The following ARHGEF28 variants were observed in gnomAD, a reference collection of about 807,000 sequenced individuals.
ARHGEF28 encodes Rho guanine nucleotide exchange factor 28.
ARHGEF28 carries 152 observed loss-of-function variants against 206.6 expected under a neutral mutation model. The observed-to-expected ratio is 0.74, with a 90% confidence interval of 0.64 to 0.84. The LOEUF (loss-of-function observed/expected upper bound fraction) is 0.84, where lower values mean the gene tolerates loss of function less well. Ranked by LOEUF, ARHGEF28 falls within the 40% of genes least tolerant of loss-of-function variation. The pLI, the probability that ARHGEF28 is intolerant of heterozygous loss-of-function variation, is 0.00. For missense variants in ARHGEF28, 2,028 were observed against 2,073.2 expected (o/e 0.98, Z 0.42); for synonymous variants, 763 against 776.4 (o/e 0.98, Z 0.29).
intron 35 of ARHGEF28, among the ~76,000 whole-genome samples, chr5:73,932,304 G>A (rs950523459): frequency 7.9e-5 from 12 of 152,140 alleles, no homozygotes; most frequent in Non-Finnish European, 1.3e-4. Flanking sequence ...AAGTTACCGC[G>A]TTAGCCTAGG....
intron 35 of ARHGEF28, among the ~76,000 whole-genome samples, chr5:73,932,915 T>A (rs1004026141): frequency 6.9e-5 from 10 of 144,848 alleles, no homozygotes; most frequent in Non-Finnish European, 1.5e-4. Context: ...TTCACGCCAT[T>A]CTCCTGCCTC....
intron 20 of ARHGEF28, 63 bp from the exon 21 acceptor site, chr5:73,870,006 T>C (rs1303392025): frequency 5.8e-6 from 9 of 1,555,228 alleles, no homozygotes; most frequent in African/African-American, 2.8e-5. Flanking sequence ...TAGACAAATA[T>C]ACGAAGGTAT....
chr5:73,655,616 A>G (rs544081861), intron 1 of ARHGEF28, among the ~76,000 whole-genome samples: 24 of 152,270 alleles, frequency 1.6e-4, no homozygotes, highest in African/African-American at 5.1e-4. Context: ...ACCCTCAACA[A>G]AGTTCTGTGT....
At chr5:73,680,852 C>G (rs1389959743) in intron 1 of ARHGEF28, among the ~76,000 whole-genome samples, 5 of 152,076 alleles carry the variant, frequency 3.3e-5, no homozygotes, top group South Asian at 4.1e-4. Flanking sequence ...TAGTTTTACT[C>G]ATAAAGAAAT....
chr5:73,749,815 C>T (rs1446996519), intron 2 of ARHGEF28, 22 bp from the exon 3 acceptor site: 1 of 1,612,820 alleles, frequency 6.2e-7, no homozygotes. Context: ...TCTGACAATG[C>T]CCCGACTTAT....
chr5:73,813,665 C>T, intron 9 of ARHGEF28: 3 of 1,535,698 alleles, frequency 2.0e-6, no homozygotes, highest in South Asian at 2.4e-5. Flanking sequence ...AGAAGGACGT[C>T]CAAACAAGGT....
intron 4 of ARHGEF28, among the ~76,000 whole-genome samples, chr5:73,757,297 T>TA (rs11382368): frequency 0.34 from 52,428 of 152,044 alleles, 10,164 homozygotes; most frequent in African/African-American, 0.53. Flanking sequence ...TCCTAGTAAT[T>TA]TTTCTTCCAG....
At chr5:73,871,201 T>C (rs1373665937) in intron 21 of ARHGEF28, among the ~76,000 whole-genome samples, 1 of 152,250 alleles carries the variant, frequency 6.6e-6, no homozygotes, top group Non-Finnish European at 1.5e-5. Flanking sequence ...TTACATGGTC[T>C]TTTGTGTCAG....
intron 1 of ARHGEF28, among the ~76,000 whole-genome samples, chr5:73,644,329 A>G (rs1281677112): frequency 6.6e-6 from 1 of 152,204 alleles, no homozygotes; most frequent in Non-Finnish European, 1.5e-5. Context: ...ATGTTCACCT[A>G]TATTTCAGAT....
rs139021914 is a variant in ARHGEF28, at chr5:73,718,702, T to C, written c.34-31135T>C. Reference sequence around the variant, plus strand: ...CTCCAAATCTCTGTCACATTCTCCATACAGCCCATGGCCTAGGATGTCACT... The same window carrying C: ...CTCCAAATCTCTGTCACATTCTCCACACAGCCCATGGCCTAGGATGTCACT... On this transcript the variant is annotated intron_variant, in intron 2 of 35. Coordinates refer to ENST00000513042, the MANE Select transcript of ARHGEF28 (RefSeq NM_001177693.2). Among the ~76,000 whole-genome samples the C allele has an allele frequency of 5.9e-5, 9 of 152,310 alleles. No homozygotes were observed. In the East Asian group the frequency reaches 1.7e-3, roughly 29 times the overall value.
At chr5:73,723,511 A>T (rs1750090659) in intron 2 of ARHGEF28, among the ~76,000 whole-genome samples, 1 of 152,182 alleles carries the variant, frequency 6.6e-6, no homozygotes, top group African/African-American at 2.4e-5. Flanking sequence ...AAGAAAAACA[A>T]TTTCTTGCTT....
At chr5:73,797,238 G>A (rs991375722) in intron 9 of ARHGEF28, among the ~76,000 whole-genome samples, 2 of 151,858 alleles carry the variant, frequency 1.3e-5, no homozygotes, top group Non-Finnish European at 2.9e-5. Flanking sequence ...AATTAATAAA[G>A]TCCCCTGAGT....
chr5:73,673,753 T>A (rs1746488656), intron 1 of ARHGEF28, among the ~76,000 whole-genome samples: 1 of 152,232 alleles, frequency 6.6e-6, no homozygotes, highest in Admixed American at 6.5e-5. Flanking sequence ...AAGTTTTTTC[T>A]CTTTTTACCC....
chr5:73,794,854 G>C (rs531172762), intron 8 of ARHGEF28, among the ~76,000 whole-genome samples: 2 of 152,126 alleles, frequency 1.3e-5, no homozygotes, highest in African/African-American at 4.8e-5. Context: ...TGATCTGCCC[G>C]CCTCGGTCTC....
Position 73,795,593 on chromosome 5 carries a change from A to T in ARHGEF28, c.1024+202A>T, listed in dbSNP as rs560805097. ...AGGTTGAGACTCCATTTACAATCTA[A>T]AAAACAAGGCAATCAAAGCTTTTCC... On this transcript the variant is annotated intron_variant, in intron 9 of 35. Transcript: ENST00000513042. 8.1e-6 allele frequency: 4 copies of T among 491,698 alleles called. No homozygotes were observed. In the South Asian group the frequency reaches 1.3e-4, roughly 16 times the overall value. The allele number at this position is 491,698 out of a possible 1,614,324, so 30.5% of individuals were successfully genotyped here.
intron 2 of ARHGEF28, among the ~76,000 whole-genome samples, chr5:73,733,162 C>G (rs1023682060): frequency 1.3e-5 from 2 of 152,052 alleles, no homozygotes; most frequent in African/African-American, 4.8e-5. Flanking sequence ...TCCCAAGTCC[C>G]CAAAGTCCAT....
At chr5:73,885,178 T>G (rs534422041) in intron 24 of ARHGEF28, among the ~76,000 whole-genome samples, 2 of 152,306 alleles carry the variant, frequency 1.3e-5, no homozygotes, top group African/African-American at 4.8e-5. Context: ...CCTGTGGCTC[T>G]GTTTCTGAAA....
rs765621569 is a variant in ARHGEF28, at chr5:73,846,356, T to C, written c.1516T>C (p.Ser506Pro). 6.2e-7 allele frequency: 1 copy of C among 1,613,948 alleles called. No homozygotes were observed. Among genetic ancestry groups the C allele is most frequent in the Non-Finnish European group, 8.5e-7 (1 of 1,179,852 alleles). Reference sequence around the variant, plus strand: ...CTGTTACACTCCAGGGTCTCAGAGCTCCTCAAGAACTGGGATTCCTAGTGG... The same window carrying C: ...CTGTTACACTCCAGGGTCTCAGAGCCCCTCAAGAACTGGGATTCCTAGTGG... ...HICYTPGSQS[S>P]SRTGIPSGDE... The change falls in exon 12 of 36, where the codon TCC becomes CCC. Residue 506 changes from serine (S) to proline (P), a missense_variant. Transcript: ENST00000513042.
intron 24 of ARHGEF28, among the ~76,000 whole-genome samples, chr5:73,884,627 G>A (rs72772577): frequency 0.067 from 10,183 of 152,234 alleles, 403 homozygotes; most frequent in Non-Finnish European, 0.081. Context: ...GTACACTTGT[G>A]TTGCATTGTA....
Sources: allele counts gnomAD v4.1 joint callset (sites outside exome capture counted in the v4.1 genomes callset), GRCh38; gene constraint gnomAD v4.1.1; transcripts MANE v1.5; gene names NCBI Gene and HGNC (gene_info 2026-07-23, HGNC 2026-07-21).